Variants in PPARGC1A observed in about 807,000 individuals in gnomAD.
PPARGC1A encodes the protein peroxisome proliferator-activated receptor gamma coactivator 1-alpha.
In PPARGC1A, 25 loss-of-function variants were observed where a neutral mutation model predicts 88.7. That is an observed-to-expected ratio of 0.28 (90% CI 0.21 to 0.39). The LOEUF (loss-of-function observed/expected upper bound fraction) is 0.39, where lower values mean the gene tolerates loss of function less well. Among genes scored for constraint, PPARGC1A ranks in the 10% least tolerant of loss-of-function variants. PPARGC1A has a pLI of 1.00. For synonymous variants in PPARGC1A, 363 were observed against 355.6 expected (o/e 1.02, Z -0.24); for missense variants, 880 against 968.7 (o/e 0.91, Z 1.22).
At chr4:24,194,624 G>GCA in the PPARGC1A span, among the ~76,000 whole-genome samples, 5 of 54,876 alleles carry the variant, frequency 9.1e-5, no homozygotes, top group Middle Eastern at 0.014. Context: ...GCGCGCGCAC[G>GCA]CGCGCGCACA....
chr4:24,327,939 C>A, the PPARGC1A span, among the ~76,000 whole-genome samples: 5 of 152,192 alleles, frequency 3.3e-5, no homozygotes, highest in African/African-American at 9.7e-5. Flanking sequence ...CCTGCCCCAC[C>A]TTAACTGAGT....
At chr4:23,797,378 C>T (rs1717799206) in intron 12 of PPARGC1A, among the ~76,000 whole-genome samples, 1 of 151,942 alleles carries the variant, frequency 6.6e-6, no homozygotes, top group Non-Finnish European at 1.5e-5. Flanking sequence ...ATGTCTAGCT[C>T]ATTGCTAGAG....
the PPARGC1A span, among the ~76,000 whole-genome samples, chr4:24,342,089 A>G: frequency 6.6e-6 from 1 of 152,150 alleles, no homozygotes; most frequent in Admixed American, 6.5e-5. Flanking sequence ...CCACACGTTT[A>G]TCTTTATTGT....
the PPARGC1A span, among the ~76,000 whole-genome samples, chr4:24,240,199 T>C: frequency 6.6e-6 from 1 of 152,184 alleles, no homozygotes; most frequent in Non-Finnish European, 1.5e-5. Context: ...ATAATAGACT[T>C]TGGAAGAACT....
chr4:24,104,850 G>T, the PPARGC1A span, among the ~76,000 whole-genome samples: 1 of 152,134 alleles, frequency 6.6e-6, no homozygotes, highest in Non-Finnish European at 1.5e-5. Context: ...AAATCACACG[G>T]TACTTAAAAA....
the PPARGC1A span, among the ~76,000 whole-genome samples, chr4:24,456,440 G>A: frequency 6.6e-6 from 1 of 152,208 alleles, no homozygotes; most frequent in African/African-American, 2.4e-5. Flanking sequence ...GATATGAACA[G>A]TGAGTGAGCT....
chr4:23,994,064 C>T, the PPARGC1A span, among the ~76,000 whole-genome samples: 1 of 152,032 alleles, frequency 6.6e-6, no homozygotes, highest in Non-Finnish European at 1.5e-5. Context: ...ATAAAATGTC[C>T]CAGCCTGCTC....
intron 12 of PPARGC1A, 117 bp downstream of exon 12, chr4:23,801,613 C>T (rs1389806104): frequency 3.8e-5 from 44 of 1,149,988 alleles, no homozygotes; most frequent in Non-Finnish European, 1.2e-5. Context: ...TGTATTCAAA[C>T]ATTCCCTTTA....
At chr4:24,179,423 T>G in the PPARGC1A span, among the ~76,000 whole-genome samples, 1 of 152,180 alleles carries the variant, frequency 6.6e-6, no homozygotes, top group African/African-American at 2.4e-5. Context: ...CCATCCAGTG[T>G]GTCAGAGCAG....
the PPARGC1A span, among the ~76,000 whole-genome samples, chr4:23,986,299 G>C: frequency 6.6e-6 from 1 of 152,022 alleles, no homozygotes; most frequent in Non-Finnish European, 1.5e-5. Context: ...AAAATAGAAA[G>C]ATTTCACCGT....
the PPARGC1A span, among the ~76,000 whole-genome samples, chr4:24,326,000 CCTGA>C: frequency 6.6e-6 from 1 of 151,954 alleles, no homozygotes; most frequent in African/African-American, 2.4e-5. Context: ...TATCTGCTTA[CCTGA>C]CTATTCCTGG....
At chr4:24,225,580 A>T in the PPARGC1A span, among the ~76,000 whole-genome samples, 37 of 151,902 alleles carry the variant, frequency 2.4e-4, no homozygotes, top group African/African-American at 8.5e-4. Context: ...AAAAAAAAAA[A>T]GAGTGACTAG....
At chr4:24,420,289 A>G in the PPARGC1A span, among the ~76,000 whole-genome samples, 2 of 152,250 alleles carry the variant, frequency 1.3e-5, no homozygotes, top group African/African-American at 4.8e-5. Flanking sequence ...AGTATTCCAT[A>G]TTAAAAATAG....
the PPARGC1A span, among the ~76,000 whole-genome samples, chr4:24,105,286 C>A: frequency 6.6e-6 from 1 of 152,176 alleles, no homozygotes; most frequent in Non-Finnish European, 1.5e-5. Flanking sequence ...ATGACCCAAG[C>A]AAATACACAA....
the PPARGC1A span, among the ~76,000 whole-genome samples, chr4:23,935,087 G>T: frequency 6.6e-6 from 1 of 152,120 alleles, no homozygotes; most frequent in African/African-American, 2.4e-5. Context: ...TGCTCCACAG[G>T]CAAAGCCAAG....
the PPARGC1A span, among the ~76,000 whole-genome samples, chr4:24,162,952 C>T: frequency 1.3e-5 from 2 of 151,790 alleles, no homozygotes; most frequent in African/African-American, 4.8e-5. Flanking sequence ...TGTTTTGTTA[C>T]ATTTTCTTCT....
At chr4:24,106,222 C>A in the PPARGC1A span, among the ~76,000 whole-genome samples, 164 of 152,218 alleles carry the variant, frequency 1.1e-3, no homozygotes, top group African/African-American at 3.7e-3. Context: ...AGAGGCAAAC[C>A]GAAAGATGCC....
chr4:24,214,992 G>C, the PPARGC1A span, among the ~76,000 whole-genome samples: 1 of 152,180 alleles, frequency 6.6e-6, no homozygotes, highest in South Asian at 2.1e-4. Flanking sequence ...GGGTCCTTAA[G>C]TCTGTGGCTT....
At chr4:23,876,629 C>T (rs1304523013) in intron 2 of PPARGC1A, among the ~76,000 whole-genome samples, 1 of 152,120 alleles carries the variant, frequency 6.6e-6, no homozygotes, top group African/African-American at 2.4e-5. Flanking sequence ...TTCCTCCTCT[C>T]TGCCCTACCA....
Sources: allele counts gnomAD v4.1 joint callset (sites outside exome capture counted in the v4.1 genomes callset), GRCh38; gene constraint gnomAD v4.1.1; transcripts MANE v1.5; gene names NCBI Gene and HGNC (gene_info 2026-07-23, HGNC 2026-07-21).